SPATA17: variants seen among roughly 807,000 people sequenced by gnomAD.
SPATA17 encodes spermatogenesis-associated protein 17.
A neutral mutation model predicts 62.2 loss-of-function variants in SPATA17; 53 were observed. The observed-to-expected ratio is 0.85, with a 90% CI of 0.68 to 1.07. The LOEUF is 1.07. Ranked by LOEUF, SPATA17 falls within the 50% of genes least tolerant of loss-of-function variation. SPATA17 has a pLI of 0.00. For missense variants in SPATA17, 466 were observed against 425.5 expected, an observed-to-expected ratio of 1.10 and a Z score of -0.84; for synonymous variants, 146 against 146.8, an observed-to-expected ratio of 0.99 and a Z score of 0.04.
chr1:217,722,479 A>C (rs1672155414), intron 5 of SPATA17, among the ~76,000 whole-genome samples: 1 of 152,244 alleles, frequency 6.6e-6, no homozygotes, highest in East Asian at 1.9e-4. Context: ...ATAAAAATAC[A>C]AATAGCAAAC....
chr1:217,782,350 T>C, intron 8 of SPATA17, 28 bp downstream of exon 8: 1 of 1,565,186 alleles, frequency 6.4e-7, no homozygotes, highest in Non-Finnish European at 8.6e-7. Context: ...CAAAAATAGC[T>C]GTGACATATT....
intron 10 of SPATA17, 65 bp downstream of exon 10, chr1:217,862,921 G>T: frequency 9.7e-7 from 1 of 1,032,792 alleles, no homozygotes. Context: ...AATCAAATGG[G>T]GTTGACTTAA....
chr1:217,767,699 T>C (rs1054363210), intron 6 of SPATA17, among the ~76,000 whole-genome samples: 4 of 152,208 alleles, frequency 2.6e-5, no homozygotes, highest in Admixed American at 6.5e-5. Flanking sequence ...GTTGGTTCTT[T>C]AATAGTTTTC....
chr1:217,679,987 T>G (rs1671040747), intron 4 of SPATA17, among the ~76,000 whole-genome samples: 1 of 152,222 alleles, frequency 6.6e-6, no homozygotes. Context: ...ATGCATCTTT[T>G]GTGTTTTCTG....
intron 9 of SPATA17, among the ~76,000 whole-genome samples, chr1:217,859,120 A>C (rs1400987100): frequency 1.4e-5 from 2 of 144,596 alleles, no homozygotes; most frequent in Non-Finnish European, 3.0e-5. Flanking sequence ...TATATTATAC[A>C]TAAATTTATA....
chr1:217,831,730 A>G (rs1675146787), intron 9 of SPATA17, among the ~76,000 whole-genome samples: 1 of 152,146 alleles, frequency 6.6e-6, no homozygotes, highest in African/African-American at 2.4e-5. Context: ...GACTGGAAGC[A>G]TGTCTGTCCA....
At chr1:217,790,856 T>C (rs551193990) in intron 8 of SPATA17, among the ~76,000 whole-genome samples, 1 of 152,356 alleles carries the variant, frequency 6.6e-6, no homozygotes, top group East Asian at 1.9e-4. Flanking sequence ...AGAAAGGACA[T>C]TTTACAATGT....
intron 5 of SPATA17, among the ~76,000 whole-genome samples, chr1:217,716,118 C>T (rs1278905022): frequency 1.3e-5 from 2 of 152,034 alleles, no homozygotes; most frequent in African/African-American, 2.4e-5. Flanking sequence ...TATACAGAAC[C>T]AACAAATGCA....
intron 9 of SPATA17, among the ~76,000 whole-genome samples, chr1:217,835,262 C>T (rs564388401): frequency 2.0e-5 from 3 of 152,140 alleles, no homozygotes; most frequent in Admixed American, 1.3e-4. Flanking sequence ...TTATGTGTTT[C>T]GGGGTCTGCA....
At chr1:217,660,308 ATCTC>A (rs1367959270) in intron 3 of SPATA17, among the ~76,000 whole-genome samples, 4 of 152,172 alleles carry the variant, frequency 2.6e-5, no homozygotes, top group Non-Finnish European at 5.9e-5. Context: ...GTTTATTTAC[ATCTC>A]TCTCATTTGA....
intron 9 of SPATA17, among the ~76,000 whole-genome samples, chr1:217,831,172 A>G (rs1434613210): frequency 6.6e-6 from 1 of 152,112 alleles, no homozygotes; most frequent in African/African-American, 2.4e-5. Flanking sequence ...CTAAAGAGAA[A>G]ATTAGATGGT....
Position 217,744,253 on chromosome 1 carries a change from G to A in SPATA17, c.519+2155G>A, listed in dbSNP as rs1015584982. 4.3e-4 allele frequency among the ~76,000 whole-genome samples: 21 copies of A among 48,582 alleles called. 4 individuals are homozygous for A. The East Asian group carries it at 6.9e-3, about 16-fold the overall frequency. 31.9% of individuals were successfully genotyped at this position (48,582 alleles called of 152,430 possible). On this transcript the variant is annotated intron_variant, in intron 6 of 10. Coordinates refer to ENST00000366933, the MANE Select transcript of SPATA17 (RefSeq NM_138796.4). ...CGAGGCGGGCGGATCACGAGGTCAA[G>A]AGATCGAGACCATCCCGGCTAAAAC...
chr1:217,632,312 A>G (rs1669815607), intron 1 of SPATA17, among the ~76,000 whole-genome samples: 1 of 152,216 alleles, frequency 6.6e-6, no homozygotes, highest in Non-Finnish European at 1.5e-5. Context: ...AGTCTTCTTC[A>G]TCTCCCTACA....
At chr1:217,774,980 A>G (rs1673552546) in intron 7 of SPATA17, among the ~76,000 whole-genome samples, 1 of 152,164 alleles carries the variant, frequency 6.6e-6, no homozygotes, top group Admixed American at 6.5e-5. Flanking sequence ...GATCTTCTTG[A>G]GACTGTTTTC....
intron 8 of SPATA17, among the ~76,000 whole-genome samples, chr1:217,799,647 A>G (rs981124351): frequency 3.9e-5 from 6 of 151,996 alleles, no homozygotes; most frequent in African/African-American, 1.4e-4. Flanking sequence ...AAATATTAAG[A>G]ATTAATTTAT....
intron 5 of SPATA17, among the ~76,000 whole-genome samples, chr1:217,701,377 GT>G (rs1671593808): frequency 6.6e-6 from 1 of 150,850 alleles, no homozygotes; most frequent in Non-Finnish European, 1.5e-5. Context: ...ATTATTTTTT[GT>G]TTTATTTATT....
At chr1:217,827,668 G>A (rs1458560993) in intron 9 of SPATA17, among the ~76,000 whole-genome samples, 11 of 152,266 alleles carry the variant, frequency 7.2e-5, no homozygotes, top group South Asian at 2.1e-4. Context: ...TAAAGAAAAT[G>A]TGGTATATAT....
chr1:217,694,507 T>C (rs1347455400), intron 5 of SPATA17, among the ~76,000 whole-genome samples: 4 of 136,874 alleles, frequency 2.9e-5, no homozygotes, highest in Non-Finnish European at 6.3e-5. Context: ...AAGTTAATAT[T>C]GTTATGTGTG....
intron 9 of SPATA17, among the ~76,000 whole-genome samples, chr1:217,852,137 A>G (rs934240728): frequency 6.6e-6 from 1 of 152,202 alleles, no homozygotes; most frequent in Non-Finnish European, 1.5e-5. Context: ...CAGAGCCCAC[A>G]GTTACGAAAA....
Sources: gnomAD v4.1 joint callset for allele counts (sites outside exome capture counted in the v4.1 genomes callset) on GRCh38, gnomAD v4.1.1 for gene constraint, MANE v1.5 for transcripts, NCBI Gene and HGNC (gene_info 2026-07-23, HGNC 2026-07-21) for gene names.